The following NTN4 variants were observed in gnomAD, a reference collection of about 807,000 sequenced individuals.
NTN4 encodes netrin 4.
In NTN4, 32 loss-of-function variants were observed where a neutral mutation model predicts 73.6. That is an observed-to-expected ratio of 0.44 (90% CI 0.33 to 0.58). The LOEUF (loss-of-function observed/expected upper bound fraction) is 0.58, where lower values mean the gene tolerates loss of function less well. NTN4 is among the 20% of genes least tolerant of loss of function. The pLI is 0.04. For synonymous variants in NTN4, 258 were observed against 287.5 expected, an observed-to-expected ratio of 0.90 and a Z score of 1.04; for missense variants, 654 against 798.3, an observed-to-expected ratio of 0.82 and a Z score of 2.18.
At chr12:95,715,172 G>T (rs1363528646) in intron 3 of NTN4, among the ~76,000 whole-genome samples, 1 of 152,060 alleles carries the variant, frequency 6.6e-6, no homozygotes, top group Non-Finnish European at 1.5e-5. Context: ...GAGGACTTCG[G>T]GCTGCGTGTG....
chr12:95,787,230 G>A lies in NTN4; in HGVS notation c.294C>T (p.Ser98=), dbSNP rs761737425. ...GCCACCATGTGCGAGGAAACCGGAA[G>A]GATGAGTCTGCCATGGCAGATGGCA... is the stretch of plus-strand genomic sequence containing the variant. ...AHLPSAMADS[S]FRFPRTWWQS... The change falls in exon 2 of 10, where the codon TCC becomes TCT. Residue 98 remains serine, a synonymous_variant. Coordinates refer to ENST00000343702, the MANE Select transcript of NTN4 (RefSeq NM_021229.4). 2 of 1,614,226 alleles carry A rather than the reference G, an allele frequency of 1.2e-6. No individual in the cohort carries two copies. The highest frequency in any genetic ancestry group is 2.7e-5 in the African/African-American group (2 of 75,054).
At chr12:95,672,769 C>A in intron 7 of NTN4, 1 of 1,328,912 alleles carries the variant, frequency 7.5e-7, no homozygotes, top group Non-Finnish European at 1.1e-6. Context: ...CTGTGAGAGT[C>A]TGAAGGACAC....
chr12:95,684,046 G>A (rs117727388), intron 5 of NTN4, among the ~76,000 whole-genome samples: 5,239 of 152,270 alleles, frequency 0.034, 134 homozygotes, highest in Middle Eastern at 0.088. Flanking sequence ...AAGACGTCAT[G>A]AGAGTATAGT....
rs572859656 is a variant in NTN4, at chr12:95,756,622, T to G, written c.586-18478A>C. Among the ~76,000 whole-genome samples, 11 of 152,242 alleles carry G rather than the reference T, an allele frequency of 7.2e-5. No individual in the cohort carries two copies. In the South Asian group the frequency reaches 2.3e-3, roughly 32 times the overall value. The stretch of plus-strand genomic sequence containing the variant: ...CCTATCACCATGCTCGGCCCACACT[T>G]AGGAATACCCCACTACTTCGTCTTG... On this transcript the variant is annotated intron_variant, in intron 2 of 9. Coordinates refer to ENST00000343702, the MANE Select transcript of NTN4 (RefSeq NM_021229.4).
chr12:95,735,508 C>A (rs2078769314), intron 3 of NTN4, among the ~76,000 whole-genome samples: 1 of 152,150 alleles, frequency 6.6e-6, no homozygotes, highest in Non-Finnish European at 1.5e-5. Context: ...GAAATTGCTT[C>A]CAATTTCAAA....
intron 2 of NTN4, among the ~76,000 whole-genome samples, chr12:95,748,244 A>AAAAAAAAAAAAAAAG (rs1555219977): frequency 1.3e-4 from 18 of 138,476 alleles, no homozygotes; most frequent in Non-Finnish European, 2.6e-4. Context: ...AAAAAAAAAA[A>AAAAAAAAAAAAAAAG]AAAAGAAAAG....
intron 5 of NTN4, among the ~76,000 whole-genome samples, chr12:95,692,460 G>A (rs1044242697): frequency 1.3e-5 from 2 of 152,222 alleles, no homozygotes; most frequent in African/African-American, 4.8e-5. Flanking sequence ...TTCCCTTCAA[G>A]TAATGAATTT....
At chr12:95,741,427 T>TTATATATATA (rs1174318245) in intron 2 of NTN4, among the ~76,000 whole-genome samples, 13 of 51,038 alleles carry the variant, frequency 2.5e-4, no homozygotes, top group Admixed American at 9.2e-4. Flanking sequence ...TATGTATAAA[T>TTATATATATA]TATATATATA....
At chr12:95,697,322 T>A (rs1360738857) in intron 5 of NTN4, among the ~76,000 whole-genome samples, 1 of 152,232 alleles carries the variant, frequency 6.6e-6, no homozygotes, top group African/African-American at 2.4e-5. Flanking sequence ...GAACTCTTTG[T>A]TCAAGGAAAG....
chr12:95,682,353 T>C (rs779922495), intron 7 of NTN4, among the ~76,000 whole-genome samples: 63 of 152,002 alleles, frequency 4.1e-4, no homozygotes, highest in Non-Finnish European at 7.8e-4. Context: ...AGTAGGCTCT[T>C]AACTGTGTTT....
chr12:95,662,910 GAGTTTGAGACC>G (rs780489925), intron 9 of NTN4, among the ~76,000 whole-genome samples: 11 of 152,144 alleles, frequency 7.2e-5, no homozygotes, highest in Admixed American at 2.0e-4. Context: ...TTGAGGCCAG[GAGTTTGAGACC>G]AGTTTGAGAC....
intron 9 of NTN4, among the ~76,000 whole-genome samples, chr12:95,661,342 G>A (rs1386804142): frequency 6.6e-6 from 1 of 152,124 alleles, no homozygotes; most frequent in East Asian, 1.9e-4. Flanking sequence ...TAAGAGAAGA[G>A]AATTCAAAAG....
intron 1 of NTN4, among the ~76,000 whole-genome samples, chr12:95,788,666 C>G (rs2121312469): frequency 6.6e-6 from 1 of 152,320 alleles, no homozygotes; most frequent in Admixed American, 6.5e-5. Flanking sequence ...AGAGACATTT[C>G]ACACACTGAC....
chr12:95,762,642 G>A (rs1440629654), intron 2 of NTN4, among the ~76,000 whole-genome samples: 1 of 152,192 alleles, frequency 6.6e-6, no homozygotes, highest in Non-Finnish European at 1.5e-5. Context: ...TACGAGCAGT[G>A]CAACTGAAAG....
intron 5 of NTN4, among the ~76,000 whole-genome samples, chr12:95,696,457 T>G (rs1456635048): frequency 1.3e-5 from 2 of 152,182 alleles, no homozygotes; most frequent in Non-Finnish European, 2.9e-5. Flanking sequence ...TTCTGATTTT[T>G]CACCTCACTG....
intron 9 of NTN4, among the ~76,000 whole-genome samples, 197 bp from the exon 10 acceptor site, chr12:95,659,419 C>T (rs2078118549): frequency 6.6e-6 from 1 of 152,054 alleles, no homozygotes; most frequent in Admixed American, 6.5e-5. Flanking sequence ...CCTCAGCCTC[C>T]CAAGTACTTG....
chr12:95,708,375 C>T (rs1264026174), intron 5 of NTN4, among the ~76,000 whole-genome samples: 5 of 151,612 alleles, frequency 3.3e-5, no homozygotes, highest in Admixed American at 2.6e-4. Flanking sequence ...GCAAGCTCCG[C>T]ATCCCGGGTT....
chr12:95,661,308 C>T (rs187289748), intron 9 of NTN4, among the ~76,000 whole-genome samples: 57 of 152,218 alleles, frequency 3.7e-4, no homozygotes, highest in African/African-American at 1.3e-3. Flanking sequence ...AGAGAAAGCC[C>T]TCTTACGGAA....
intron 5 of NTN4, among the ~76,000 whole-genome samples, chr12:95,693,414 T>C (rs961559968): frequency 3.3e-5 from 5 of 152,090 alleles, no homozygotes; most frequent in Admixed American, 3.3e-4. Context: ...TCCTGTTATA[T>C]GTTCCTTTCC....
Sources: gnomAD v4.1 joint callset for allele counts (sites outside exome capture counted in the v4.1 genomes callset) on GRCh38, gnomAD v4.1.1 for gene constraint, MANE v1.5 for transcripts, NCBI Gene and HGNC (gene_info 2026-07-23, HGNC 2026-07-21) for gene names.